CHRM3: variants seen among roughly 807,000 people sequenced by gnomAD.
CHRM3 encodes cholinergic receptor muscarinic 3.
Under a neutral mutation model 41.8 loss-of-function variants are expected in CHRM3, and 11 were observed. That is an observed-to-expected ratio of 0.26 (90% CI 0.17 to 0.44). The LOEUF is 0.44. Among genes scored for constraint, CHRM3 ranks in the 20% least tolerant of loss-of-function variants. CHRM3 has a pLI of 1.00. For missense variants in CHRM3, 571 were observed against 745.4 expected (o/e 0.77, Z 2.72); for synonymous variants, 297 against 301.4 (o/e 0.99, Z 0.15).
At chr1:239,789,978 T>C (rs1669210247) in intron 5 of CHRM3, among the ~76,000 whole-genome samples, 1 of 152,154 alleles carries the variant, frequency 6.6e-6, no homozygotes, top group African/African-American at 2.4e-5. Context: ...ACTACCCCAC[T>C]GGATTTCAGA....
intron 1 of CHRM3, among the ~76,000 whole-genome samples, chr1:239,404,169 G>GT (rs1287897552): frequency 6.6e-6 from 1 of 150,730 alleles, no homozygotes; most frequent in African/African-American, 2.4e-5. Flanking sequence ...GGCACCTGTA[G>GT]TCCCAGCTAC....
chr1:239,560,134 A>G (rs1660722820), intron 3 of CHRM3, among the ~76,000 whole-genome samples: 1 of 152,232 alleles, frequency 6.6e-6, no homozygotes, highest in Non-Finnish European at 1.5e-5. Flanking sequence ...TTTGATAAGT[A>G]TTTTTAAATA....
chr1:239,694,992 A>C (rs1013919224), intron 5 of CHRM3, among the ~76,000 whole-genome samples: 3 of 152,074 alleles, frequency 2.0e-5, no homozygotes, highest in Non-Finnish European at 4.4e-5. Flanking sequence ...TGATTATTGA[A>C]ATGTTTTACT....
intron 3 of CHRM3, among the ~76,000 whole-genome samples, chr1:239,580,975 G>C (rs1662846689): frequency 6.6e-6 from 1 of 151,466 alleles, no homozygotes; most frequent in Non-Finnish European, 1.5e-5. Context: ...ACAACATTTG[G>C]CAGTGACCCA....
At chr1:239,716,056 TG>T (rs1323702863) in intron 5 of CHRM3, among the ~76,000 whole-genome samples, 1 of 152,078 alleles carries the variant, frequency 6.6e-6, no homozygotes, top group African/African-American at 2.4e-5. Flanking sequence ...GCATTGATCT[TG>T]GGTTGAAATT....
intron 4 of CHRM3, among the ~76,000 whole-genome samples, chr1:239,655,873 G>C (rs1672664324): frequency 6.6e-6 from 1 of 152,122 alleles, no homozygotes; most frequent in Non-Finnish European, 1.5e-5. Flanking sequence ...AAAAATGTTG[G>C]TGTTGGCAAT....
intron 3 of CHRM3, among the ~76,000 whole-genome samples, chr1:239,579,258 A>G (rs556727305): frequency 1.3e-5 from 2 of 152,310 alleles, no homozygotes; most frequent in African/African-American, 4.8e-5. Flanking sequence ...AGTTTGACAC[A>G]TGCTGATTTC....
rs1317178180 is a variant in CHRM3, at chr1:239,527,595, T to C, written c.-421-18046T>C. 2.7e-5 allele frequency among the ~76,000 whole-genome samples: 4 copies of C among 149,646 alleles called. No homozygotes were observed. The East Asian group carries it at 7.9e-4, about 29-fold the overall frequency. ...TCCCACTCATAATTTTCAATTTAGT[T>C]CAAATGTCAAACAGTTCTATGTGAA... On this transcript the variant is annotated intron_variant, in intron 2 of 6. Coordinates refer to ENST00000676153, the MANE Select transcript of CHRM3 (RefSeq NM_001375978.1).
At chr1:239,487,517 C>A (rs1667255124) in intron 1 of CHRM3, among the ~76,000 whole-genome samples, 1 of 151,894 alleles carries the variant, frequency 6.6e-6, no homozygotes, top group Admixed American at 6.6e-5. Context: ...CAGTCAGAAA[C>A]ATGTAAAAAA....
At chr1:239,823,872 TA>T (rs1672245719) in intron 5 of CHRM3, among the ~76,000 whole-genome samples, 1 of 152,036 alleles carries the variant, frequency 6.6e-6, no homozygotes, top group African/African-American at 2.4e-5. Context: ...CAGATGATGC[TA>T]AAAGAGTGAC....
chr1:239,644,411 C>G (rs1392596077), intron 4 of CHRM3, among the ~76,000 whole-genome samples: 1 of 151,200 alleles, frequency 6.6e-6, no homozygotes, highest in Non-Finnish European at 1.5e-5. Flanking sequence ...CATGTGGACT[C>G]TTAGCCTGAA....
At chr1:239,843,724 A>G (rs981843375) in intron 6 of CHRM3, among the ~76,000 whole-genome samples, 2 of 152,116 alleles carry the variant, frequency 1.3e-5, no homozygotes, top group African/African-American at 4.8e-5. Context: ...TCCCCCCAGA[A>G]AGAGGAAGAA....
chr1:239,618,756 A>G (rs1156312831), intron 3 of CHRM3, among the ~76,000 whole-genome samples: 1 of 147,050 alleles, frequency 6.8e-6, no homozygotes, highest in Non-Finnish European at 1.5e-5. Context: ...AGGCAGGAGA[A>G]TGGCGTGAAC....
chr1:239,831,167 T>C lies in CHRM3; in HGVS notation c.-20+3789T>C, dbSNP rs77914932. Among the ~76,000 whole-genome samples, 490 of 152,302 alleles carry C rather than the reference T, an allele frequency of 3.2e-3. 3 individuals carry two copies. The highest frequency in any genetic ancestry group is 0.011 in the African/African-American group (467 of 41,556). ...AGTCAGGACACAGGGCTGACCCGAA[T>C]GCACCCTCACCAGTCAGGAGACGCT... On this transcript the variant is annotated intron_variant, in intron 6 of 6. Coordinates refer to ENST00000676153, the MANE Select transcript of CHRM3 (RefSeq NM_001375978.1).
At chr1:239,575,161 G>A (rs10737837) in intron 3 of CHRM3, among the ~76,000 whole-genome samples, 152,308 of 152,312 alleles carry the variant, frequency 1, 76,152 homozygotes, top group Middle Eastern at 1. Flanking sequence ...GTTTTTTCCA[G>A]CTGGTATATT....
At chr1:239,686,862 C>G (rs959159033) in intron 5 of CHRM3, among the ~76,000 whole-genome samples, 7 of 152,066 alleles carry the variant, frequency 4.6e-5, no homozygotes, top group Admixed American at 2.6e-4. Context: ...ACTGACTGCC[C>G]CATTCACCTG....
chr1:239,546,417 C>T (rs532318485), intron 3 of CHRM3: 50 of 152,196 alleles, frequency 3.3e-4, no homozygotes, highest in African/African-American at 1.1e-3. Flanking sequence ...AACTCTCAAA[C>T]TCTGTAAAAA....
chr1:239,434,677 T>C (rs1663093598), intron 1 of CHRM3, among the ~76,000 whole-genome samples: 1 of 152,162 alleles, frequency 6.6e-6, no homozygotes, highest in Non-Finnish European at 1.5e-5. Flanking sequence ...GTGCTTTCAA[T>C]ATACATCAAT....
intron 5 of CHRM3, among the ~76,000 whole-genome samples, chr1:239,717,132 G>C (rs1385089611): frequency 6.6e-6 from 1 of 151,916 alleles, no homozygotes; most frequent in African/African-American, 2.4e-5. Flanking sequence ...TGAATTGTGA[G>C]CTTCTCTAAC....
Sources: allele counts gnomAD v4.1 joint callset (sites outside exome capture counted in the v4.1 genomes callset), GRCh38; gene constraint gnomAD v4.1.1; transcripts MANE v1.5; gene names NCBI Gene and HGNC (gene_info 2026-07-23, HGNC 2026-07-21).